AREL1: variants seen among roughly 807,000 people sequenced by gnomAD.
The protein encoded by AREL1 is apoptosis-resistant E3 ubiquitin protein ligase 1.
AREL1 carries 62 observed loss-of-function variants against 99.0 expected under a neutral mutation model. The observed-to-expected ratio is 0.63, with a 90% CI of 0.51 to 0.77. The LOEUF (loss-of-function observed/expected upper bound fraction) is 0.77, where lower values mean the gene tolerates loss of function less well. Ranked by LOEUF, AREL1 falls within the 30% of genes least tolerant of loss-of-function variation. The pLI, the probability that AREL1 is intolerant of heterozygous loss-of-function variation, is 0.00. For missense variants in AREL1, 879 were observed against 1,027.6 expected, an observed-to-expected ratio of 0.86 and a Z score of 1.98; for synonymous variants, 380 against 376.5, an observed-to-expected ratio of 1.01 and a Z score of -0.11.
At chr14:74,671,608 TA>T (rs2089347433) in intron 11 of AREL1, 125 bp from the exon 12 acceptor site, 1 of 531,388 alleles carries the variant, frequency 1.9e-6, no homozygotes, top group Non-Finnish European at 3.3e-6. Context: ...GGAGATATGT[TA>T]CTCATAAACA....
chr14:74,668,317 A>C (rs546432560), intron 15 of AREL1, among the ~76,000 whole-genome samples: 30 of 152,210 alleles, frequency 2.0e-4, no homozygotes, highest in Non-Finnish European at 3.7e-4. Context: ...ATTTGTGTAG[A>C]GTGACCAAGG....
At chr14:74,675,439 G>A (rs149459971) in intron 8 of AREL1, among the ~76,000 whole-genome samples, 41 of 152,326 alleles carry the variant, frequency 2.7e-4, no homozygotes, top group African/African-American at 9.4e-4. Context: ...CTCCAATCCT[G>A]TAGCCTAATA....
rs569039807 is a variant in AREL1 at position 74,699,114 on chromosome 14, T to C, written c.-333-6786A>G. Among the ~76,000 whole-genome samples the C allele has an allele frequency of 2.0e-5, 3 of 152,308 alleles. 1 individual carries two copies. Among genetic ancestry groups the C allele is most frequent in the East Asian group, 1.9e-4 (1 of 5,178 alleles). On this transcript the variant is annotated intron_variant, in intron 1 of 19. Coordinates refer to ENST00000356357, the MANE Select transcript of AREL1 (RefSeq NM_001039479.2). The stretch of plus-strand genomic sequence containing the variant: ...TAAGAGCATGAATCTTACTACTGAA[T>C]GATCTTAAACAAGTTACAGCAGGTC...
chr14:74,663,568 G>C lies in AREL1; in HGVS notation c.*152C>G. 1.2e-6 allele frequency: 1 copy of C among 800,138 alleles called. No individual in the cohort carries two copies. Among genetic ancestry groups the C allele is most frequent in the Non-Finnish European group, 2.1e-6 (1 of 472,916 alleles). 49.6% of individuals were successfully genotyped at this position (800,138 alleles called of 1,614,324 possible). On this transcript the variant is annotated 3_prime_UTR_variant, in exon 20 of 20. Transcript: ENST00000356357. ...AGGGAGCAGGTGAGGTAAAGACAAG[G>C]CTTGTAGGTGACAAAATCCTCCAGA...
At chr14:74,665,782 C>A (rs1595335910) in intron 17 of AREL1, among the ~76,000 whole-genome samples, 1 of 152,164 alleles carries the variant, frequency 6.6e-6, no homozygotes, top group Non-Finnish European at 1.5e-5. Flanking sequence ...AAGTACTCAT[C>A]CAATAGCTAT....
At chr14:74,684,745 C>A in intron 3 of AREL1, 65 bp from the exon 4 acceptor site, 1 of 1,441,854 alleles carries the variant, frequency 6.9e-7, no homozygotes, top group Non-Finnish European at 9.7e-7. Context: ...CATTATGCAA[C>A]AGGCCAGCCA....
At chr14:74,688,118 C>A (rs557635703) in intron 2 of AREL1, among the ~76,000 whole-genome samples, 7 of 148,170 alleles carry the variant, frequency 4.7e-5, no homozygotes, top group African/African-American at 1.7e-4. Flanking sequence ...CTCTGCCTCC[C>A]GGGTTCGCGC....
At position 74,664,649 on chromosome 14, in the gene AREL1, C is replaced by T. The variant is rs531030831; in HGVS notation, c.2193+187G>A. ...TTTTTTTTTGTATTGTTAGTAGAGT[C>T]GGGCTTTCACCATGTGGCCAGGCTG... On this transcript the variant is annotated intron_variant, in intron 18 of 19. Coordinates refer to ENST00000356357, the MANE Select transcript of AREL1 (RefSeq NM_001039479.2). 1.2e-3 allele frequency among the ~76,000 whole-genome samples: 174 copies of T among 139,950 alleles called. 1 individual carries two copies. Among genetic ancestry groups the T allele is most frequent in the African/African-American group, 4.4e-3 (165 of 37,318 alleles). 91.8% of individuals were successfully genotyped at this position (139,950 alleles called of 152,430 possible). A position where few individuals can be genotyped will look rare whatever the true frequency, so the allele number is the denominator to read the frequency against.
chr14:74,684,439 G>T lies in AREL1; in HGVS notation c.243+15C>A. The T allele has an allele frequency of 1.9e-6, 3 of 1,612,816 alleles. No individual in the cohort carries two copies. Among genetic ancestry groups the T allele is most frequent in the Non-Finnish European group, 2.5e-6 (3 of 1,178,844 alleles). Reference sequence around the variant, plus strand: ...AGAAACCCCAATGGGTATGGAGACAGAAACATTCCCTTACATGCACTCGGA... The same window carrying T: ...AGAAACCCCAATGGGTATGGAGACATAAACATTCCCTTACATGCACTCGGA... On this transcript the variant is annotated intron_variant, in intron 4 of 19. Transcript: ENST00000356357.
intron 5 of AREL1, among the ~76,000 whole-genome samples, chr14:74,681,230 C>A (rs1002066812): frequency 2.0e-5 from 3 of 151,908 alleles, no homozygotes; most frequent in Non-Finnish European, 2.9e-5. Flanking sequence ...GAGAAAAAAA[C>A]CACAAAACCA....
chr14:74,710,143 C>T (rs1247859302), intron 1 of AREL1, among the ~76,000 whole-genome samples: 1 of 152,208 alleles, frequency 6.6e-6, no homozygotes. Flanking sequence ...ACTTTCCATC[C>T]CCATCAAAGA....
At chr14:74,708,123 C>T (rs2090219368) in intron 1 of AREL1, among the ~76,000 whole-genome samples, 1 of 152,092 alleles carries the variant, frequency 6.6e-6, no homozygotes, top group Admixed American at 6.6e-5. Flanking sequence ...TTAGATGTGA[C>T]AGTATGTGCC....
At chr14:74,668,263 T>C (rs1036455244) in intron 15 of AREL1, among the ~76,000 whole-genome samples, 4 of 152,196 alleles carry the variant, frequency 2.6e-5, no homozygotes, top group African/African-American at 7.2e-5. Flanking sequence ...TAAGGGAACT[T>C]TGAAGGAGCC....
At position 74,675,794 on chromosome 14, in the gene AREL1, C is replaced by A; in HGVS notation, c.985G>T (p.Ala329Ser). 1 of 1,614,168 alleles carries A rather than the reference C, an allele frequency of 6.2e-7. No individual in the cohort carries two copies. The highest frequency in any genetic ancestry group is 8.5e-7 in the Non-Finnish European group (1 of 1,180,042). ...MTSSQRRPST[A>S]VDEEDEDSPS... ...GAGTCTTCATCTTCCTCGTCAACAGCAGTGGATGGCCGGCGCTGGGAAGAG... is the reference window on the plus strand; with the variant it reads ...GAGTCTTCATCTTCCTCGTCAACAGAAGTGGATGGCCGGCGCTGGGAAGAG... The change falls in exon 8 of 20, where the codon GCT becomes TCT. Residue 329 changes from alanine (A) to serine (S), a missense_variant. By Grantham distance (99) the Ala-to-Ser change is moderately conservative. Transcript: ENST00000356357.
intron 1 of AREL1, among the ~76,000 whole-genome samples, chr14:74,696,611 G>A (rs2089983690): frequency 6.6e-6 from 1 of 152,122 alleles, no homozygotes; most frequent in South Asian, 2.1e-4. Context: ...TTAGGAGGCT[G>A]AACTGGGAAG....
chr14:74,685,867 C>T (rs1436681465), intron 2 of AREL1, among the ~76,000 whole-genome samples: 1 of 152,196 alleles, frequency 6.6e-6, no homozygotes, highest in Non-Finnish European at 1.5e-5. Flanking sequence ...TAAAGACTTC[C>T]AATCTACTGA....
chr14:74,694,262 C>T (rs1324885133), intron 1 of AREL1, among the ~76,000 whole-genome samples: 2 of 152,116 alleles, frequency 1.3e-5, no homozygotes, highest in Admixed American at 6.5e-5. Context: ...GCTACTGGAA[C>T]CAGCTTAAAG....
rs201169650 is a variant in AREL1, at chr14:74,671,268, G to GA, written c.1498+139dup. The GA allele has an allele frequency of 4.7e-3, 2,293 of 490,210 alleles. 33 individuals are homozygous for GA. Among genetic ancestry groups the GA allele is most frequent in the African/African-American group, 0.036 (1,631 of 45,898 alleles). 30.4% of individuals were successfully genotyped at this position (490,210 alleles called of 1,614,324 possible). ...GACTCATGGTTCCCTTTTCCTTGGG[G>GA]AAAAAAAAACCTAGGTTTTTTTTTT... On this transcript the variant is annotated intron_variant, in intron 12 of 19. Coordinates refer to ENST00000356357, the MANE Select transcript of AREL1 (RefSeq NM_001039479.2).
chr14:74,700,014 C>G (rs183467001), intron 1 of AREL1, among the ~76,000 whole-genome samples: 70 of 152,284 alleles, frequency 4.6e-4, no homozygotes, highest in Admixed American at 2.0e-3. Context: ...GCCACAATAG[C>G]CCAACCCACA....
Sources: gnomAD v4.1 joint callset for allele counts (sites outside exome capture counted in the v4.1 genomes callset) on GRCh38, gnomAD v4.1.1 for gene constraint, MANE v1.5 for transcripts, NCBI Gene and HGNC (gene_info 2026-07-23, HGNC 2026-07-21) for gene names.